The following CPQ variants were observed in gnomAD, a reference collection of about 807,000 sequenced individuals.
CPQ encodes the protein carboxypeptidase Q.
Under a neutral mutation model 45.7 loss-of-function variants are expected in CPQ, and 37 were observed. That is an observed-to-expected ratio of 0.81 (90% CI 0.62 to 1.07). The LOEUF (loss-of-function observed/expected upper bound fraction) is 1.07. CPQ is among the 50% of genes least tolerant of loss of function. The pLI, the probability that CPQ is intolerant of heterozygous loss-of-function variation, is 0.00. For missense variants in CPQ, 537 were observed against 572.9 expected (o/e 0.94, Z 0.64); for synonymous variants, 186 against 205.8 (o/e 0.90, Z 0.82).
chr8:97,141,150 CAT>C (rs139780370), intron 7 of CPQ, among the ~76,000 whole-genome samples: 2,186 of 152,140 alleles, frequency 0.014, 46 homozygotes, highest in African/African-American at 0.049. Context: ...CTTCTTAAGA[CAT>C]AAACAGTATG....
intron 1 of CPQ, among the ~76,000 whole-genome samples, chr8:96,729,520 A>G (rs372614898): frequency 7.7e-4 from 117 of 152,306 alleles, no homozygotes; most frequent in African/African-American, 2.6e-3. Context: ...ATTTTTCCCA[A>G]TGAAAAATTT....
chr8:96,802,002 CTCTTTG>C (rs765455730), intron 2 of CPQ, among the ~76,000 whole-genome samples: 1 of 152,064 alleles, frequency 6.6e-6, no homozygotes, highest in Admixed American at 6.5e-5. Flanking sequence ...ATGATTCCAT[CTCTTTG>C]TCTTTGTGTT....
chr8:96,912,996 C>T (rs745879403), intron 4 of CPQ, among the ~76,000 whole-genome samples: 27 of 152,176 alleles, frequency 1.8e-4, no homozygotes, highest in Non-Finnish European at 3.4e-4. Context: ...GTGTTATCCT[C>T]TTTCTCCTGC....
At chr8:96,714,704 T>A (rs1016559828) in intron 1 of CPQ, among the ~76,000 whole-genome samples, 2 of 152,302 alleles carry the variant, frequency 1.3e-5, no homozygotes, top group Non-Finnish European at 2.9e-5. Context: ...TGGGGGTTGT[T>A]ATAGAACCCT....
rs146398132 is a variant in CPQ at position 97,007,236 on chromosome 8, A to G, written c.962-22167A>G. Among the ~76,000 whole-genome samples the G allele has an allele frequency of 4.0e-3, 606 of 152,248 alleles. 1 individual carries two copies. Among genetic ancestry groups the G allele is most frequent in the African/African-American group, 0.013 (553 of 41,556 alleles). On this transcript the variant is annotated intron_variant, in intron 5 of 7. Coordinates refer to ENST00000220763, the MANE Select transcript of CPQ (RefSeq NM_016134.4). ...TCTATTTCATTTGGAATTTTACACA[A>G]CAGTTTTCTGTGTGGCTTAATTTTT...
intron 5 of CPQ, among the ~76,000 whole-genome samples, chr8:96,990,981 G>A (rs1274694405): frequency 6.6e-6 from 1 of 152,098 alleles, no homozygotes; most frequent in Admixed American, 6.5e-5. Context: ...AGGACTCAAG[G>A]TCACCTCTGG....
chr8:97,014,693 A>G (rs1809550365), intron 5 of CPQ, among the ~76,000 whole-genome samples: 1 of 152,046 alleles, frequency 6.6e-6, no homozygotes, highest in Admixed American at 6.6e-5. Context: ...CTATGGTCTG[A>G]AAACCTAAAC....
intron 1 of CPQ, among the ~76,000 whole-genome samples, chr8:96,650,069 C>T (rs931535569): frequency 2.0e-5 from 3 of 152,184 alleles, no homozygotes; most frequent in East Asian, 1.9e-4. Flanking sequence ...TTTGAGCTGG[C>T]GCTTCCAAAT....
At chr8:97,099,551 T>TG (rs1491485340) in intron 7 of CPQ, among the ~76,000 whole-genome samples, 4 of 131,770 alleles carry the variant, frequency 3.0e-5, no homozygotes, top group Admixed American at 7.6e-5. Flanking sequence ...GATATGTGTG[T>TG]TTTTTTTTTT....
intron 1 of CPQ, among the ~76,000 whole-genome samples, chr8:96,651,726 T>C (rs934506743): frequency 5.3e-5 from 8 of 151,982 alleles, no homozygotes; most frequent in Admixed American, 5.2e-4. Flanking sequence ...CAAAAAATTA[T>C]GTTATGTATG....
intron 1 of CPQ, among the ~76,000 whole-genome samples, chr8:96,668,268 C>A (rs1315696052): frequency 6.6e-6 from 1 of 152,056 alleles, no homozygotes; most frequent in Non-Finnish European, 1.5e-5. Flanking sequence ...ATTGTCTGCC[C>A]CACACTGTGC....
At chr8:96,976,532 G>A (rs10099492) in intron 5 of CPQ, among the ~76,000 whole-genome samples, 11,015 of 151,850 alleles carry the variant, frequency 0.073, 748 homozygotes, top group African/African-American at 0.18. Context: ...AAAAGAGCCC[G>A]CATAGCCAAA....
At chr8:96,807,698 T>C (rs953378458) in intron 2 of CPQ, among the ~76,000 whole-genome samples, 3 of 152,182 alleles carry the variant, frequency 2.0e-5, no homozygotes, top group African/African-American at 7.2e-5. Context: ...TGACCTTTTC[T>C]TCTAAAGAAA....
intron 1 of CPQ, among the ~76,000 whole-genome samples, chr8:96,681,882 C>T (rs928503785): frequency 6.6e-5 from 10 of 152,144 alleles, no homozygotes; most frequent in Admixed American, 4.6e-4. Context: ...GAATGCCCTG[C>T]TGGATTTCGG....
At chr8:96,935,941 CCT>C (rs563436694) in intron 4 of CPQ, among the ~76,000 whole-genome samples, 44 of 152,166 alleles carry the variant, frequency 2.9e-4, no homozygotes, top group African/African-American at 1.0e-3. Flanking sequence ...AATTTGTCTA[CCT>C]CTTTTTTTTT....
At chr8:96,687,164 C>A (rs540635407) in intron 1 of CPQ, among the ~76,000 whole-genome samples, 6 of 151,372 alleles carry the variant, frequency 4.0e-5, no homozygotes, top group African/African-American at 1.5e-4. Context: ...CTTTTCTTTT[C>A]TTTTCTTTTC....
At chr8:96,956,510 A>G (rs960607341) in intron 4 of CPQ, among the ~76,000 whole-genome samples, 3 of 152,172 alleles carry the variant, frequency 2.0e-5, no homozygotes, top group African/African-American at 7.2e-5. Flanking sequence ...GACTATGAAT[A>G]TTGAAGTTAA....
chr8:96,718,535 A>T (rs1306406372), intron 1 of CPQ, among the ~76,000 whole-genome samples: 4 of 152,148 alleles, frequency 2.6e-5, no homozygotes, highest in African/African-American at 9.7e-5. Context: ...GTTACAGCTC[A>T]TAAAAGCAGT....
At chr8:96,845,809 C>T (rs1429285360) in intron 3 of CPQ, among the ~76,000 whole-genome samples, 15 of 151,938 alleles carry the variant, frequency 9.9e-5, no homozygotes. Flanking sequence ...AAGAAATTGC[C>T]TAACTTTTTA....
Sources: allele counts gnomAD v4.1 joint callset (sites outside exome capture counted in the v4.1 genomes callset), GRCh38; gene constraint gnomAD v4.1.1; transcripts MANE v1.5; gene names NCBI Gene and HGNC (gene_info 2026-07-23, HGNC 2026-07-21).